SEPTIN12: variants seen among roughly 807,000 people sequenced by gnomAD.
The protein encoded by SEPTIN12 is septin-12.
A neutral mutation model predicts 37.7 loss-of-function variants in SEPTIN12; 42 were observed. The observed-to-expected ratio is 1.11, with a 90% CI of 0.87 to 1.44. The LOEUF is 1.44. SEPTIN12 is among the 40% of genes most tolerant of loss of function. SEPTIN12 has a pLI of 0.00. For synonymous variants in SEPTIN12, 254 were observed against 196.7 expected (o/e 1.29, Z -2.44); for missense variants, 613 against 479.2 (o/e 1.28, Z -2.61).
Position 4,783,448 on chromosome 16 carries a change from C to T in SEPTIN12, c.726+14G>A. The T allele has an allele frequency of 6.2e-7, 1 of 1,608,728 alleles. No homozygotes were observed. Among genetic ancestry groups the T allele is most frequent in the East Asian group, 2.2e-5 (1 of 44,858 alleles). The stretch of plus-strand genomic sequence containing the variant: ...GAAATCACCTCGCCCGCCTCCCGCC[C>T]CACAGCCTCTCACCCGTAACTTGCT... On this transcript the variant is annotated intron_variant, in intron 7 of 9. Transcript: ENST00000268231.
At chr16:4,786,528 TG>T (rs1407955060) in intron 2 of SEPTIN12, among the ~76,000 whole-genome samples, 4 of 151,390 alleles carry the variant, frequency 2.6e-5, no homozygotes, top group African/African-American at 9.7e-5. Context: ...CTAATTTTTT[TG>T]TATTTTTAGT....
At chr16:4,780,805 C>T (rs756853529) in intron 7 of SEPTIN12, among the ~76,000 whole-genome samples, 1 of 152,080 alleles carries the variant, frequency 6.6e-6, no homozygotes, top group Non-Finnish European at 1.5e-5. Flanking sequence ...ATGGTGAAAC[C>T]CTGTCTCTAG....
chr16:4,778,254 A>C, intron 8 of SEPTIN12, 117 bp from the exon 9 acceptor site: 1 of 1,055,748 alleles, frequency 9.5e-7, no homozygotes, highest in Non-Finnish European at 1.4e-6. Flanking sequence ...TCTTTACCCT[A>C]TCCTGCCTTC....
chr16:4,778,407 G>A (rs1056872913), intron 8 of SEPTIN12, among the ~76,000 whole-genome samples: 5 of 152,228 alleles, frequency 3.3e-5, no homozygotes, highest in African/African-American at 9.6e-5. Flanking sequence ...ATCCATGGGT[G>A]CCCACTGTAG....
Position 4,787,600 on chromosome 16 carries a change from G to T in SEPTIN12, c.46C>A (p.Pro16Thr). 1 of 1,605,350 alleles carries T rather than the reference G, an allele frequency of 6.2e-7. No homozygotes were observed. Among genetic ancestry groups the T allele is most frequent in the Non-Finnish European group, 8.5e-7 (1 of 1,179,344 alleles). Residue 16 changes from proline (P) to threonine (T), a missense_variant, in exon 2 of 10, where the codon CCC (proline) becomes ACC (threonine). Pro to Thr is a conservative substitution (Grantham distance 38). Transcript: ENST00000268231. ...RSPSPCLSSQPSSPSTPPCEM... is the reference protein window; with the variant it reads ...RSPSPCLSSQTSSPSTPPCEM... ...CAGGGTGGGGTGCTGGGGCTGGAGG[G>T]CTGCGAGGACAGGCAGGGAGAGGGG...
chr16:4,780,710 G>A (rs1399225922), intron 7 of SEPTIN12, among the ~76,000 whole-genome samples: 1 of 152,172 alleles, frequency 6.6e-6, no homozygotes, highest in African/African-American at 2.4e-5. Flanking sequence ...TGGGCGTGGT[G>A]GCTCACACCT....
upstream of SEPTIN12, chr16:4,788,721 C>A (rs1205032367): frequency 6.6e-6 from 1 of 152,208 alleles, no homozygotes; most frequent in Non-Finnish European, 1.5e-5. Flanking sequence ...CACATGGCAT[C>A]GTTCTAGGAG....
At chr16:4,787,783 C>T (rs898501543) in intron 1 of SEPTIN12, 116 bp from the exon 2 acceptor site, 4 of 607,206 alleles carry the variant, frequency 6.6e-6, no homozygotes, top group Non-Finnish European at 1.2e-5. Flanking sequence ...CTCCACACTT[C>T]ATGCCTCTGG....
chr16:4,779,664 A>C, intron 8 of SEPTIN12, 26 bp downstream of exon 8: 1 of 1,468,658 alleles, frequency 6.8e-7, no homozygotes, highest in Non-Finnish European at 9.5e-7. Flanking sequence ...CCCCACCTGC[A>C]TCCTACCCAG....
Position 4,785,886 on chromosome 16 carries a change from T to C in SEPTIN12, c.295A>G (p.Ile99Val), listed in dbSNP as rs756602868. The change falls in exon 4 of 10, where the codon ATA becomes GTA. Residue 99 changes from isoleucine (I) to valine (V), a missense_variant and splice_region_variant. Coordinates refer to ENST00000268231, the MANE Select transcript of SEPTIN12 (RefSeq NM_144605.5). ...TTCAGCTTCACACCCTTCTCCTCTATGACTGTGGAGGGAGAGCAGAGTCGG... is the reference window on the plus strand; with the variant it reads ...TTCAGCTTCACACCCTTCTCCTCTACGACTGTGGAGGGAGAGCAGAGTCGG... ...TLQLHSLTHV[I>V]EEKGVKLKLT... 2 of 1,607,560 alleles carry C rather than the reference T, an allele frequency of 1.2e-6. No individual in the cohort carries two copies. Among genetic ancestry groups the C allele is most frequent in the Admixed American group, 1.7e-5 (1 of 59,306 alleles).
chr16:4,789,909 CTT>C (rs2082524948), upstream of SEPTIN12: 1 of 132,396 alleles, frequency 7.6e-6, no homozygotes, highest in South Asian at 2.1e-4. Flanking sequence ...CCTTTCTTTT[CTT>C]TCTTTTTTTT....
Position 4,781,216 on chromosome 16 carries a change from G to A in SEPTIN12, c.727-1430C>T, listed in dbSNP as rs114013001. 3.5e-3 allele frequency among the ~76,000 whole-genome samples: 525 copies of A among 150,624 alleles called. 2 individuals carry two copies. Among genetic ancestry groups the A allele is most frequent in the Middle Eastern group, 0.01 (3 of 292 alleles). ...AGGGGTTGCAGTGAGCGGAGATCAC[G>A]CCACTATACTCCAGCTTGGGTGACA... On this transcript the variant is annotated intron_variant, in intron 7 of 9. Transcript: ENST00000268231.
chr16:4,783,348 C>G, intron 7 of SEPTIN12, 114 bp downstream of exon 7: 1 of 837,852 alleles, frequency 1.2e-6, no homozygotes, highest in African/African-American at 1.7e-5. Flanking sequence ...AGAATCATAT[C>G]TGCTAGGAAT....
upstream of SEPTIN12, among the ~76,000 whole-genome samples, chr16:4,790,707 T>C (rs1178406990): frequency 6.6e-6 from 1 of 152,142 alleles, no homozygotes; most frequent in African/African-American, 2.4e-5. Context: ...GAGAATAGCT[T>C]GAACCGAGGA....
chr16:4,787,962 C>T (rs2082486647), intron 1 of SEPTIN12: 1 of 289,250 alleles, frequency 3.5e-6, no homozygotes, highest in Non-Finnish European at 6.5e-6. Flanking sequence ...CCCAGCAGAG[C>T]CTGGAGGGCC....
At chr16:4,788,455 C>G (rs2082496069), upstream of SEPTIN12, 1 of 152,334 alleles carries the variant, frequency 6.6e-6, no homozygotes, top group Non-Finnish European at 1.5e-5. Flanking sequence ...AGCTGTTACC[C>G]TTCTAATCCC....
intron 2 of SEPTIN12, 31 bp downstream of exon 2, chr16:4,787,449 T>TGTCCTGCCGTGGGCCC: frequency 6.2e-7 from 1 of 1,606,292 alleles, no homozygotes; most frequent in Non-Finnish European, 8.5e-7. Context: ...ACTGTGGGTC[T>TGTCCTGCCGTGGGCCC]GTCCTGCCGT....
In SEPTIN12 at chr16:4,779,783, G is replaced by A. The variant is rs774632312; in HGVS notation, c.730C>T (p.Arg244Ter). Residue 244 changes from arginine to a stop codon, truncating the protein, a stop_gained, in exon 8 of 10, where the codon CGA becomes TGA. Coordinates refer to ENST00000268231, the MANE Select transcript of SEPTIN12 (RefSeq NM_144605.5). LOFTEE classifies it high-confidence loss of function. Reference sequence around the variant, plus strand: ...GCCCCTACCACGGCAAAAGGGATTCGGTCCTGGGAAAGGAGAAGACACAGA... The same window carrying A: ...GCCCCTACCACGGCAAAAGGGATTCAGTCCTGGGAAAGGAGAAGACACAGA... ...DKILNSKLRD[R>*]IPFAVVGADQ... 5 of 1,608,658 alleles carry A rather than the reference G, an allele frequency of 3.1e-6. No homozygotes were observed. The highest frequency in any genetic ancestry group is 1.3e-5 in the African/African-American group (1 of 74,920).
chr16:4,779,266 C>G (rs567785505), intron 8 of SEPTIN12, among the ~76,000 whole-genome samples: 20 of 152,350 alleles, frequency 1.3e-4, no homozygotes, highest in African/African-American at 4.6e-4. Flanking sequence ...TTCACTGTGC[C>G]TCCCCGACCT....
Sources: gnomAD v4.1 joint callset for allele counts (sites outside exome capture counted in the v4.1 genomes callset) on GRCh38, gnomAD v4.1.1 for gene constraint, MANE v1.5 for transcripts, NCBI Gene and HGNC (gene_info 2026-07-23, HGNC 2026-07-21) for gene names.